NRXN3: variants seen among roughly 807,000 people sequenced by gnomAD.
NRXN3 encodes the protein neurexin 3, also known as neurexin III.
A neutral mutation model predicts 137.6 loss-of-function variants in NRXN3; 32 were observed. The ratio of observed to expected loss-of-function variants is 0.23; its 90% confidence interval spans 0.18 to 0.31. The LOEUF is 0.31. Among genes scored for constraint, NRXN3 ranks in the 10% least tolerant of loss-of-function variants. NRXN3 has a pLI of 1.00. For synonymous variants in NRXN3, 798 were observed against 784.5 expected (o/e 1.02, Z -0.29); for missense variants, 1,574 against 2,062.5 (o/e 0.76, Z 4.59).
intron 16 of NRXN3, among the ~76,000 whole-genome samples, chr14:79,528,438 T>C (rs2097140891): frequency 1.3e-5 from 2 of 152,212 alleles, no homozygotes; most frequent in African/African-American, 4.8e-5. Flanking sequence ...AACAGATGTT[T>C]GTAAAACACA....
intron 15 of NRXN3, among the ~76,000 whole-genome samples, chr14:79,061,650 C>A: frequency 6.6e-6 from 1 of 152,136 alleles, no homozygotes; most frequent in East Asian, 1.9e-4. Flanking sequence ...GCTGGCATAG[C>A]CTGCTTTTTT....
At chr14:78,588,602 G>A (rs2097089597) in intron 4 of NRXN3, among the ~76,000 whole-genome samples, 1 of 152,188 alleles carries the variant, frequency 6.6e-6, no homozygotes, top group Admixed American at 6.5e-5. Context: ...GCCATGAGAT[G>A]CAACACTATA....
chr14:78,644,190 A>T (rs990702740), intron 4 of NRXN3, among the ~76,000 whole-genome samples: 62 of 151,944 alleles, frequency 4.1e-4, no homozygotes, highest in African/African-American at 1.4e-3. Flanking sequence ...AGAAAGATGG[A>T]TCCAGGGAAG....
chr14:79,432,158 CT>C (rs1222721778), intron 15 of NRXN3, among the ~76,000 whole-genome samples: 1 of 152,018 alleles, frequency 6.6e-6, no homozygotes, highest in African/African-American at 2.4e-5. Context: ...CCTGCCATTT[CT>C]AAATATGTGT....
chr14:78,364,743 A>G (rs925628860), intron 4 of NRXN3, among the ~76,000 whole-genome samples: 1 of 152,186 alleles, frequency 6.6e-6, no homozygotes, highest in Non-Finnish European at 1.5e-5. Context: ...AACATCCACA[A>G]AATAGACAGG....
chr14:79,631,537 A>C lies in NRXN3; in HGVS notation c.3445-32241A>C, dbSNP rs557106117. ...GGCTCCGTGGCCCCGCACTGGGCGC[A>C]GCCGGCTGATGCCTGCTGGGCTTGA... On this transcript the variant is annotated intron_variant, in intron 16 of 20. Coordinates refer to ENST00000335750, the MANE Select transcript of NRXN3 (RefSeq NM_001330195.2). 3.7e-4 allele frequency among the ~76,000 whole-genome samples: 57 copies of C among 152,354 alleles called. 2 individuals carry two copies. The South Asian group carries it at 0.011, about 29-fold the overall frequency.
In NRXN3 at chr14:78,280,354, G is replaced by T. The variant is rs149326258; in HGVS notation, c.727+1692G>T. Reference sequence around the variant, plus strand: ...TATATTACATATGTATAGTATCAGGGGGTGGATGGGAAGTGCTGTGGAGAA... The same window carrying T: ...TATATTACATATGTATAGTATCAGGTGGTGGATGGGAAGTGCTGTGGAGAA... On this transcript the variant is annotated intron_variant, in intron 3 of 20. Transcript: ENST00000335750. Among the ~76,000 whole-genome samples, 41 of 152,272 alleles carry T rather than the reference G, an allele frequency of 2.7e-4. No individual in the cohort carries two copies. In the East Asian group the frequency reaches 7.3e-3, roughly 27 times the overall value.
intron 10 of NRXN3, among the ~76,000 whole-genome samples, chr14:78,908,978 T>C (rs951569167): frequency 3.3e-5 from 5 of 152,134 alleles, no homozygotes; most frequent in African/African-American, 9.6e-5. Flanking sequence ...CATTTCCTAA[T>C]TGAAAAGCCT....
At chr14:78,920,408 A>G (rs1407161154) in intron 10 of NRXN3, among the ~76,000 whole-genome samples, 1 of 152,246 alleles carries the variant, frequency 6.6e-6, no homozygotes, top group Non-Finnish European at 1.5e-5. Flanking sequence ...TGAAAAAAGT[A>G]TAAATTTTGA....
At chr14:79,033,217 G>A (rs1038680631) in intron 15 of NRXN3, among the ~76,000 whole-genome samples, 2 of 151,894 alleles carry the variant, frequency 1.3e-5, no homozygotes, top group Admixed American at 6.6e-5. Flanking sequence ...TTAAATGCAG[G>A]GTTAACCTCT....
Position 78,656,571 on chromosome 14 carries a change from C to A in NRXN3, c.1221+5245C>A, listed in dbSNP as rs1473332667. Among the ~76,000 whole-genome samples the A allele has an allele frequency of 3.9e-5, 6 of 152,160 alleles. No homozygotes were observed. The South Asian group carries it at 1.2e-3, about 32-fold the overall frequency. On this transcript the variant is annotated intron_variant, in intron 6 of 20. Transcript: ENST00000335750. Reference sequence around the variant, plus strand: ...TAGAGGCCTTTATTTCATGCTATACCCTTGGACTTTGTTCTCTAGGTAACG... The same window carrying A: ...TAGAGGCCTTTATTTCATGCTATACACTTGGACTTTGTTCTCTAGGTAACG...
At chr14:78,922,489 G>T (rs968079959) in intron 10 of NRXN3, among the ~76,000 whole-genome samples, 1 of 152,268 alleles carries the variant, frequency 6.6e-6, no homozygotes, top group East Asian at 1.9e-4. Context: ...TCAAGTTTAC[G>T]CTGTGTATGG....
chr14:79,206,181 A>G (rs900598729), intron 15 of NRXN3, among the ~76,000 whole-genome samples: 14 of 152,212 alleles, frequency 9.2e-5, no homozygotes, highest in Non-Finnish European at 1.9e-4. Context: ...AGTTATACTC[A>G]TCATTGGTAA....
intron 4 of NRXN3, among the ~76,000 whole-genome samples, chr14:78,502,474 A>G (rs1054012220): frequency 4.6e-5 from 7 of 152,206 alleles, no homozygotes; most frequent in African/African-American, 1.7e-4. Flanking sequence ...CAGGCTGAGC[A>G]TGCTGGGTAA....
intron 2 of NRXN3, among the ~76,000 whole-genome samples, chr14:78,275,990 T>C (rs554887006): frequency 6.6e-6 from 1 of 152,346 alleles, no homozygotes; most frequent in Admixed American, 6.5e-5. Context: ...GGTCACTCAC[T>C]GCTTCTTGGG....
chr14:78,622,645 A>G (rs900373765), intron 4 of NRXN3, among the ~76,000 whole-genome samples: 1 of 152,222 alleles, frequency 6.6e-6, no homozygotes, highest in Middle Eastern at 3.2e-3. Flanking sequence ...TGTCTTCTTA[A>G]AGTGGCACAA....
At chr14:78,621,170 C>T (rs2097400380) in intron 4 of NRXN3, among the ~76,000 whole-genome samples, 2 of 152,134 alleles carry the variant, frequency 1.3e-5, no homozygotes, top group South Asian at 2.1e-4. Context: ...TTTGATGAAG[C>T]TCTGTTGGCT....
chr14:78,209,973 G>T (rs1307222359), intron 1 of NRXN3, among the ~76,000 whole-genome samples: 6 of 152,166 alleles, frequency 3.9e-5, no homozygotes, highest in Non-Finnish European at 5.9e-5. Flanking sequence ...GAGCCACAAA[G>T]GCAAGTATTT....
At chr14:78,228,302 G>A (rs1034762035) in intron 1 of NRXN3, among the ~76,000 whole-genome samples, 3 of 151,394 alleles carry the variant, frequency 2.0e-5, no homozygotes, top group Non-Finnish European at 3.0e-5. Context: ...GATTACAGGC[G>A]CCTGCCACTA....
Sources: gnomAD v4.1 joint callset for allele counts (sites outside exome capture counted in the v4.1 genomes callset) on GRCh38, gnomAD v4.1.1 for gene constraint, MANE v1.5 for transcripts, NCBI Gene and HGNC (gene_info 2026-07-23, HGNC 2026-07-21) for gene names.